ITPA: variants seen among roughly 807,000 people sequenced by gnomAD.
ITPA encodes inosine triphosphatase, also known as inosine triphosphate pyrophosphatase.
Under a neutral mutation model 29.6 loss-of-function variants are expected in ITPA, and 29 were observed. That is an observed-to-expected ratio of 0.98 (90% CI 0.73 to 1.34). The LOEUF (loss-of-function observed/expected upper bound fraction) is 1.34. Among genes scored for constraint, ITPA ranks in the 40% most tolerant of loss-of-function variants. ITPA has a pLI of 0.00. For missense variants in ITPA, 241 were observed against 251.5 expected (o/e 0.96, Z 0.28); for synonymous variants, 103 against 99.3 (o/e 1.04, Z -0.22).
upstream of ITPA, among the ~76,000 whole-genome samples, chr20:3,206,080 G>GAAAGAA (rs978851790): frequency 6.8e-6 from 1 of 147,422 alleles, no homozygotes; most frequent in Non-Finnish European, 1.5e-5. Context: ...AAGAAAGAAA[G>GAAAGAA]AAAGAAAAAG....
chr20:3,213,295 C>T (rs759552310), intron 2 of ITPA, 24 bp from the exon 3 acceptor site: 1 of 1,614,148 alleles, frequency 6.2e-7, no homozygotes, highest in South Asian at 1.1e-5. Flanking sequence ...ACCTGACTTT[C>T]TGTGTGTCTG....
chr20:3,214,164 A>G (rs1164371244), intron 4 of ITPA, 106 bp downstream of exon 4: 2 of 978,132 alleles, frequency 2.0e-6, no homozygotes, highest in Admixed American at 3.7e-5. Context: ...TCTTAGCATC[A>G]ACAGCCTTTC....
intron 5 of ITPA, among the ~76,000 whole-genome samples, chr20:3,215,754 C>G (rs1029371497): frequency 2.6e-5 from 4 of 152,104 alleles, no homozygotes; most frequent in Non-Finnish European, 5.9e-5. Context: ...GGTGTGATCT[C>G]GACTCACTGC....
In ITPA at chr20:3,223,783, C is replaced by T. The variant is rs912757385; in HGVS notation, c.*321C>T. 1 of 417,824 alleles carries T rather than the reference C, an allele frequency of 2.4e-6. No homozygotes were observed. The highest frequency in any genetic ancestry group is 2.0e-5 in the African/African-American group (1 of 50,068). The allele number at this position is 417,824 out of a possible 1,614,324, so 25.9% of individuals were successfully genotyped here. ...GGGGAGGAACCATGCAAATCGCCTTCCATGGTTTTTAAATGCAGTAAATAA... is the reference window on the plus strand; with the variant it reads ...GGGGAGGAACCATGCAAATCGCCTTTCATGGTTTTTAAATGCAGTAAATAA... On this transcript the variant is annotated 3_prime_UTR_variant, in exon 8 of 8. Coordinates refer to ENST00000380113, the MANE Select transcript of ITPA (RefSeq NM_033453.4).
At chr20:3,214,643 G>A (rs11906193) in intron 4 of ITPA, among the ~76,000 whole-genome samples, 3,818 of 151,850 alleles carry the variant, frequency 0.025, 142 homozygotes, top group African/African-American at 0.082. Context: ...GCAGTGGCGC[G>A]ATCTCCGCTA....
chr20:3,204,624 C>T (rs1277240114), upstream of ITPA: 2 of 1,584,212 alleles, frequency 1.3e-6, no homozygotes, highest in East Asian at 4.6e-5. Context: ...ACAGGCGCCA[C>T]CATGACGAGG....
chr20:3,222,147 C>T (rs1478035721), intron 7 of ITPA, among the ~76,000 whole-genome samples: 2 of 152,010 alleles, frequency 1.3e-5, no homozygotes, highest in Non-Finnish European at 2.9e-5. Context: ...CTCTAAGGCT[C>T]CAGGTCACCC....
upstream of ITPA, chr20:3,209,447 C>A: frequency 9.1e-7 from 1 of 1,102,548 alleles, no homozygotes; most frequent in Non-Finnish European, 1.4e-6. This position sits in a 1 kb window ranked among gnomAD's most constrained non-coding sequence, Gnocchi z 4.6. Context: ...TCCCCGGGAC[C>A]CCTGGCCGGA....
At chr20:3,221,620 G>A in intron 6 of ITPA, 7 of 633,210 alleles carry the variant, frequency 1.1e-5, no homozygotes, top group Non-Finnish European at 1.4e-5. Flanking sequence ...TGGTCCTGTG[G>A]GTCCATGCCT....
At chr20:3,218,365 C>A in intron 5 of ITPA, 152 bp from the exon 6 acceptor site, 1 of 691,240 alleles carries the variant, frequency 1.4e-6, no homozygotes, top group Non-Finnish European at 2.7e-6. Flanking sequence ...CCTAGTCCCA[C>A]TGCCTTGGGC....
upstream of ITPA, among the ~76,000 whole-genome samples, chr20:3,205,477 G>C (rs1279864952): frequency 6.6e-6 from 1 of 152,142 alleles, no homozygotes; most frequent in Admixed American, 6.6e-5. Context: ...GGGAAGTCTA[G>C]GTAGAGGTGA....
At chr20:3,219,071 G>C (rs1332701645) in intron 6 of ITPA, 1 of 203,750 alleles carries the variant, frequency 4.9e-6, no homozygotes, top group Non-Finnish European at 1.0e-5. Context: ...AACCACACTT[G>C]GATCAAAGCT....
downstream of ITPA, among the ~76,000 whole-genome samples, chr20:3,225,768 C>T (rs2067547860): frequency 6.6e-6 from 1 of 152,180 alleles, no homozygotes; most frequent in Admixed American, 6.5e-5. Context: ...GTGGCTCATG[C>T]CTGTAATCCC....
chr20:3,222,006 G>A (rs1224466165), intron 7 of ITPA, 89 bp downstream of exon 7: 27 of 1,248,098 alleles, frequency 2.2e-5, no homozygotes, highest in Non-Finnish European at 3.0e-5. Flanking sequence ...GTGCAGGCAT[G>A]CGGATATGGG....
upstream of ITPA, among the ~76,000 whole-genome samples, chr20:3,206,886 T>C (rs2122257798): frequency 6.7e-6 from 1 of 150,354 alleles, no homozygotes; most frequent in East Asian, 2.0e-4. Context: ...TGGTGGTGCA[T>C]GCCTGGAGTC....
intron 6 of ITPA, chr20:3,218,915 G>C: frequency 2.0e-6 from 1 of 493,100 alleles, no homozygotes; most frequent in South Asian, 2.0e-5. Context: ...AAACCTGTTT[G>C]ACCCCTGAGG....
upstream of ITPA, among the ~76,000 whole-genome samples, chr20:3,206,234 C>A (rs1038937363): frequency 1.4e-5 from 2 of 147,932 alleles, no homozygotes; most frequent in Non-Finnish European, 3.0e-5. Flanking sequence ...ACTAAAAATA[C>A]AAAATTAGCT....
chr20:3,210,912 A>G (rs1038456822), intron 1 of ITPA, among the ~76,000 whole-genome samples: 1 of 151,744 alleles, frequency 6.6e-6, no homozygotes, highest in African/African-American at 2.4e-5. Flanking sequence ...TTAACTGGGC[A>G]TGGTGACACG....
chr20:3,213,144 AGT>A, intron 1 of ITPA, 23 bp from the exon 2 acceptor site: 1 of 1,607,616 alleles, frequency 6.2e-7, no homozygotes, highest in Non-Finnish European at 8.5e-7. Flanking sequence ...GATGGTGATA[AGT>A]GTTCTCTTTT....
Sources: gnomAD v4.1 joint callset for allele counts (sites outside exome capture counted in the v4.1 genomes callset) on GRCh38, gnomAD v4.1.1 for gene constraint, Gnocchi (gnomAD v3.1) non-coding constraint, MANE v1.5 for transcripts, NCBI Gene and HGNC (gene_info 2026-07-23, HGNC 2026-07-21) for gene names.